Variants in PLXNA4 observed in about 807,000 individuals in gnomAD.
PLXNA4 encodes the protein plexin A4.
A neutral mutation model predicts 191.8 loss-of-function variants in PLXNA4; 44 were observed. That is an observed-to-expected ratio of 0.23 (90% CI 0.18 to 0.29). The LOEUF is 0.29. Among genes scored for constraint, PLXNA4 ranks in the 10% least tolerant of loss-of-function variants. The pLI, the probability that PLXNA4 is intolerant of heterozygous loss-of-function variation, is 1.00. For missense variants in PLXNA4, 1,800 were observed against 2,488.8 expected (o/e 0.72, Z 5.89); for synonymous variants, 1,082 against 1,009.5 (o/e 1.07, Z -1.36).
chr7:132,315,793 A>G (rs1340766314), intron 3 of PLXNA4, among the ~76,000 whole-genome samples: 1 of 152,214 alleles, frequency 6.6e-6, no homozygotes, highest in Non-Finnish European at 1.5e-5. Context: ...GCCATGAGGA[A>G]GAATATGTCC....
At chr7:132,426,670 GTT>G (rs1795058422) in intron 3 of PLXNA4, among the ~76,000 whole-genome samples, 1 of 152,132 alleles carries the variant, frequency 6.6e-6, no homozygotes, top group South Asian at 2.1e-4. Context: ...ATTACAGACA[GTT>G]TCAAAACATA....
At chr7:132,281,031 T>C (rs1800459350) in intron 4 of PLXNA4, among the ~76,000 whole-genome samples, 1 of 152,144 alleles carries the variant, frequency 6.6e-6, no homozygotes, top group Admixed American at 6.6e-5. Context: ...AAAGATAAAA[T>C]AGCATCTTGT....
At chr7:132,184,621 A>G (rs909173206) in intron 16 of PLXNA4, among the ~76,000 whole-genome samples, 1 of 152,136 alleles carries the variant, frequency 6.6e-6, no homozygotes, top group African/African-American at 2.4e-5. Flanking sequence ...AAGAGTACCA[A>G]TTTGCCCAAG....
intron 3 of PLXNA4, among the ~76,000 whole-genome samples, chr7:132,445,177 A>AAAG (rs1795857572): frequency 6.6e-6 from 1 of 150,936 alleles, no homozygotes; most frequent in Non-Finnish European, 1.5e-5. Context: ...AAAAAAAAAA[A>AAAG]AAAAAAAATT....
intron 6 of PLXNA4, among the ~76,000 whole-genome samples, chr7:132,227,938 TG>T (rs1381274567): frequency 6.6e-6 from 1 of 152,140 alleles, no homozygotes. Flanking sequence ...GGCCCAATTT[TG>T]GAAAAATAGA....
At chr7:132,360,007 T>C (rs1039570322) in intron 3 of PLXNA4, among the ~76,000 whole-genome samples, 15 of 152,204 alleles carry the variant, frequency 9.9e-5, no homozygotes, top group African/African-American at 3.4e-4. Context: ...TAGTTCTCAA[T>C]TGCTATTGAG....
chr7:132,473,164 T>G (rs1214402096), intron 3 of PLXNA4, among the ~76,000 whole-genome samples: 1 of 152,224 alleles, frequency 6.6e-6, no homozygotes, highest in East Asian at 1.9e-4. Flanking sequence ...AGTGAGTCAG[T>G]GGCAGAAAAA....
intron 2 of PLXNA4, among the ~76,000 whole-genome samples, chr7:132,583,607 G>C (rs1365411590): frequency 6.6e-6 from 1 of 152,208 alleles, no homozygotes; most frequent in African/African-American, 2.4e-5. Flanking sequence ...AGCAGAGAAA[G>C]AGCCGCAGAC....
At chr7:132,355,568 G>A (rs902798267) in intron 3 of PLXNA4, among the ~76,000 whole-genome samples, 2 of 152,108 alleles carry the variant, frequency 1.3e-5, no homozygotes, top group Non-Finnish European at 2.9e-5. Context: ...ATATTTCCCT[G>A]GTACTAACCA....
intron 2 of PLXNA4, among the ~76,000 whole-genome samples, chr7:132,618,896 T>C (rs796719690): frequency 3.3e-5 from 5 of 152,238 alleles, no homozygotes; most frequent in African/African-American, 1.2e-4. Flanking sequence ...CTGGGCTCCA[T>C]GAGAGAAGTG....
intron 4 of PLXNA4, among the ~76,000 whole-genome samples, chr7:132,281,916 T>G (rs1450313923): frequency 6.6e-6 from 1 of 152,226 alleles, no homozygotes; most frequent in Non-Finnish European, 1.5e-5. Flanking sequence ...TTTAAAGGAT[T>G]GTTTTTATAA....
rs556799750 is a variant in PLXNA4, at chr7:132,196,110, C to T, written c.2739-1931G>A. On this transcript the variant is annotated intron_variant, in intron 13 of 31. Transcript: ENST00000321063. ...TTCAGAATGTAATTTTCCATAAGACCATGGGGTAGATGCCATTATTATCCT... is the reference window on the plus strand; with the variant it reads ...TTCAGAATGTAATTTTCCATAAGACTATGGGGTAGATGCCATTATTATCCT... Among the ~76,000 whole-genome samples the T allele has an allele frequency of 7.9e-5, 12 of 152,294 alleles. No homozygotes were observed. The South Asian group carries it at 8.3e-4, about 11-fold the overall frequency.
chr7:132,156,333 T>C (rs1490872301), intron 25 of PLXNA4, among the ~76,000 whole-genome samples: 1 of 151,836 alleles, frequency 6.6e-6, no homozygotes, highest in Non-Finnish European at 1.5e-5. Context: ...TGAGGAGCAA[T>C]GAATAGACAT....
chr7:132,384,386 T>C, intron 3 of PLXNA4: 8 of 985,588 alleles, frequency 8.1e-6, no homozygotes, highest in Non-Finnish European at 9.6e-6. Context: ...TGACACCAAG[T>C]GTTTCCACTT....
At chr7:132,393,007 C>T (rs1793574607) in intron 3 of PLXNA4, among the ~76,000 whole-genome samples, 2 of 152,122 alleles carry the variant, frequency 1.3e-5, no homozygotes, top group South Asian at 2.1e-4. Context: ...CCACGCCTTA[C>T]CCCATCCCAC....
intron 25 of PLXNA4, 83 bp from the exon 26 acceptor site, chr7:132,148,729 CAGTGCTAGCTCAAGGGTGTGTCCATTGCA>C: frequency 3.2e-6 from 5 of 1,586,882 alleles, no homozygotes; most frequent in Non-Finnish European, 4.3e-6. Context: ...GGTACCTATG[CAGTGCTAGCTCAAGGGTGTGTCCATTGCA>C]AGTGCTAGCA....
At chr7:132,432,577 G>A (rs1322006393) in intron 3 of PLXNA4, among the ~76,000 whole-genome samples, 1 of 152,176 alleles carries the variant, frequency 6.6e-6, no homozygotes, top group Non-Finnish European at 1.5e-5. Context: ...GGGAGAGAAG[G>A]GGAGGAGGTC....
At chr7:132,473,846 C>T (rs1030923986) in intron 3 of PLXNA4, among the ~76,000 whole-genome samples, 1 of 133,054 alleles carries the variant, frequency 7.5e-6, no homozygotes, top group African/African-American at 2.5e-5. Flanking sequence ...AAGACTCCGT[C>T]TCAAACAAGA....
At chr7:132,284,120 C>A (rs1800592270) in intron 4 of PLXNA4, among the ~76,000 whole-genome samples, 1 of 152,198 alleles carries the variant, frequency 6.6e-6, no homozygotes, top group Admixed American at 6.5e-5. Flanking sequence ...TTACAGTGAG[C>A]TATGATGGCA....
Sources: allele counts gnomAD v4.1 joint callset (sites outside exome capture counted in the v4.1 genomes callset), GRCh38; gene constraint gnomAD v4.1.1; transcripts MANE v1.5; gene names NCBI Gene and HGNC (gene_info 2026-07-23, HGNC 2026-07-21).